Variants in LGR5 observed in about 807,000 individuals in gnomAD.
LGR5 encodes leucine-rich repeat-containing G protein-coupled receptor 5.
Under a neutral mutation model 76.7 loss-of-function variants are expected in LGR5, and 54 were observed. That is an observed-to-expected ratio of 0.70 (90% CI 0.57 to 0.88). The LOEUF (loss-of-function observed/expected upper bound fraction) is 0.88. Ranked by LOEUF, LGR5 falls within the 40% of genes least tolerant of loss-of-function variation. The pLI, the probability that LGR5 is intolerant of heterozygous loss-of-function variation, is 0.00. For missense variants in LGR5, 1,078 were observed against 1,073.3 expected, an observed-to-expected ratio of 1.00 and a Z score of -0.06; for synonymous variants, 406 against 421.9, an observed-to-expected ratio of 0.96 and a Z score of 0.46.
intron 8 of LGR5, among the ~76,000 whole-genome samples, chr12:71,563,492 A>G (rs1416003050): frequency 3.9e-5 from 6 of 152,132 alleles, no homozygotes; most frequent in Non-Finnish European, 5.9e-5. Context: ...GTCTATTTAC[A>G]CTAAATGCAA....
At chr12:71,439,726 C>T, upstream of LGR5, 1 of 240,332 alleles carries the variant, frequency 4.2e-6, no homozygotes, top group Non-Finnish European at 8.0e-6. Flanking sequence ...GGAAGCCAGG[C>T]TGCGCTGACG....
chr12:71,504,240 T>C (rs576567993), intron 1 of LGR5, among the ~76,000 whole-genome samples: 2 of 152,196 alleles, frequency 1.3e-5, no homozygotes, highest in Non-Finnish European at 2.9e-5. Flanking sequence ...TGAAGACATT[T>C]CTCTTTGTCA....
chr12:71,468,493 T>G (rs1592465780), intron 1 of LGR5, among the ~76,000 whole-genome samples: 1 of 152,302 alleles, frequency 6.6e-6, no homozygotes, highest in Non-Finnish European at 1.5e-5. Context: ...CAAGGCATTA[T>G]CTAGGCTCTG....
At chr12:71,444,240 C>G (rs1471354396) in intron 1 of LGR5, among the ~76,000 whole-genome samples, 3 of 152,054 alleles carry the variant, frequency 2.0e-5, no homozygotes, top group Non-Finnish European at 4.4e-5. Flanking sequence ...AGATCAATTA[C>G]AAACATTATA....
In LGR5 at chr12:71,584,526, A is replaced by T; in HGVS notation, c.2516A>T (p.Tyr839Phe). ...EDLVSLRKQT[Y>F]VWTRSKHPSL... is the part of the protein sequence containing the mutation. Reference sequence around the variant, plus strand: ...CTGGTGAGCCTGAGAAAGCAAACCTACGTCTGGACAAGATCAAAACACCCA... The same window carrying T: ...CTGGTGAGCCTGAGAAAGCAAACCTTCGTCTGGACAAGATCAAAACACCCA... Residue 839 changes from tyrosine to phenylalanine, a missense_variant, in exon 18 of 18, where the codon TAC becomes TTC. Coordinates refer to ENST00000266674, the MANE Select transcript of LGR5 (RefSeq NM_003667.4). 6.2e-7 allele frequency: 1 copy of T among 1,614,150 alleles called. No homozygotes were observed. The highest frequency in any genetic ancestry group is 8.5e-7 in the Non-Finnish European group (1 of 1,180,018).
chr12:71,534,725 T>C (rs957530519), intron 3 of LGR5, among the ~76,000 whole-genome samples: 3 of 152,208 alleles, frequency 2.0e-5, no homozygotes, highest in Admixed American at 2.0e-4. Context: ...CCAGCCCTTG[T>C]ACTTACTCTT....
At chr12:71,441,975 G>A (rs538170341) in intron 1 of LGR5, 1 of 152,214 alleles carries the variant, frequency 6.6e-6, no homozygotes, top group Non-Finnish European at 1.5e-5. Context: ...CCAATGCAGT[G>A]AATTTCTGAG....
chr12:71,559,342 G>T (rs147497312), intron 6 of LGR5, among the ~76,000 whole-genome samples: 1 of 152,012 alleles, frequency 6.6e-6, no homozygotes, highest in Non-Finnish European at 1.5e-5. Flanking sequence ...TTTTTTAGAC[G>T]CCCCAGTGCC....
At chr12:71,485,101 A>G (rs895076874) in intron 1 of LGR5, among the ~76,000 whole-genome samples, 2 of 152,194 alleles carry the variant, frequency 1.3e-5, no homozygotes. Context: ...TGTAATTTGT[A>G]AAAACATTAA....
At chr12:71,495,887 C>T (rs1430660516) in intron 1 of LGR5, among the ~76,000 whole-genome samples, 1 of 151,848 alleles carries the variant, frequency 6.6e-6, no homozygotes, top group East Asian at 1.9e-4. Context: ...TCACTTGTTA[C>T]AGCAAGTATG....
chr12:71,580,352 A>G lies in LGR5; in HGVS notation c.1481A>G (p.Gln494Arg). The G allele has an allele frequency of 6.2e-7, 1 of 1,614,064 alleles. No homozygotes were observed. Among genetic ancestry groups the G allele is most frequent in the Non-Finnish European group, 8.5e-7 (1 of 1,179,924 alleles). ...VCENAYKISN[Q>R]WNKGDNSSMD... ...GAGAATGCCTATAAGATTTCTAATCAATGGAATAAAGGTGACAACAGCAGT... is the reference window on the plus strand; with the variant it reads ...GAGAATGCCTATAAGATTTCTAATCGATGGAATAAAGGTGACAACAGCAGT... Residue 494 changes from glutamine (Q) to arginine (R), a missense_variant, in exon 16 of 18, where the codon CAA becomes CGA. Gln to Arg is a conservative substitution (Grantham distance 43). Transcript: ENST00000266674.
chr12:71,459,811 A>G (rs144372238), intron 1 of LGR5, among the ~76,000 whole-genome samples: 28 of 151,890 alleles, frequency 1.8e-4, no homozygotes, highest in African/African-American at 6.8e-4. Flanking sequence ...AATAATTATT[A>G]CTCCTATAAA....
rs1239812229 is a variant in LGR5 at position 71,584,121 on chromosome 12, G to A, written c.2111G>A (p.Ser704Asn). Residue 704 changes from serine to asparagine, a missense_variant, in exon 18 of 18, where the codon AGC becomes AAC. Ser to Asn is a conservative substitution (Grantham distance 46). Coordinates refer to ENST00000266674, the MANE Select transcript of LGR5 (RefSeq NM_003667.4). ...GCCGCAGTTCCCCTGCTGGGTGGCA[G>A]CAAGTATGGCGCCTCCCCTCTCTGC... ...TMAAVPLLGG[S>N]KYGASPLCLP... 6 of 1,614,092 alleles carry A rather than the reference G, an allele frequency of 3.7e-6. No individual in the cohort carries two copies. Among genetic ancestry groups the A allele is most frequent in the Middle Eastern group, 1.6e-4 (1 of 6,084 alleles).
At chr12:71,444,739 A>C (rs1871908687) in intron 1 of LGR5, among the ~76,000 whole-genome samples, 2 of 152,180 alleles carry the variant, frequency 1.3e-5, no homozygotes, top group African/African-American at 4.8e-5. Flanking sequence ...GAAGTTTAGA[A>C]ACACAAAACT....
Position 71,571,500 on chromosome 12 carries a change from C to G in LGR5, c.1071-14C>G. 1 of 1,591,750 alleles carries G rather than the reference C, an allele frequency of 6.3e-7. No homozygotes were observed. Among genetic ancestry groups the G allele is most frequent in the Non-Finnish European group, 8.6e-7 (1 of 1,166,714 alleles). On this transcript the variant is annotated splice_polypyrimidine_tract_variant and intron_variant, in intron 11 of 17. Coordinates refer to ENST00000266674, the MANE Select transcript of LGR5 (RefSeq NM_003667.4). ...TGTAACAGATTTTCCCTTTTTGCAC[C>G]TTCTGTTTTTCAGAGATCTGTCTTA...
At chr12:71,525,620 G>C (rs1875960780) in intron 3 of LGR5, among the ~76,000 whole-genome samples, 1 of 151,658 alleles carries the variant, frequency 6.6e-6, no homozygotes, top group Non-Finnish European at 1.5e-5. Flanking sequence ...CCCATGTTGA[G>C]CTATGTACCA....
rs76512772 is a variant in LGR5 at position 71,545,870 on chromosome 12, T to A, written c.429-7203T>A. Among the ~76,000 whole-genome samples, 823 of 152,302 alleles carry A rather than the reference T, an allele frequency of 5.4e-3. 13 individuals carry two copies. The highest frequency in any genetic ancestry group is 7.1e-3 in the Non-Finnish European group (486 of 68,016). ...TCTTTACAATAACACCATTTATAAG[T>A]GGAAAGTTTTTTCAGGGAGTATGGA... On this transcript the variant is annotated intron_variant, in intron 4 of 17. Coordinates refer to ENST00000266674, the MANE Select transcript of LGR5 (RefSeq NM_003667.4).
chr12:71,583,619 T>A, intron 17 of LGR5, 28 bp from the exon 18 acceptor site: 3 of 1,575,194 alleles, frequency 1.9e-6, no homozygotes, highest in Non-Finnish European at 2.6e-6. Context: ...AATTTGATAC[T>A]CAATCTTTGC....
Position 71,503,794 on chromosome 12 carries a change from A to T in LGR5, c.213-820A>T, listed in dbSNP as rs538477115. Among the ~76,000 whole-genome samples, 42 of 152,328 alleles carry T rather than the reference A, an allele frequency of 2.8e-4. 1 individual carries two copies. The East Asian group carries it at 7.7e-3, about 28-fold the overall frequency. On this transcript the variant is annotated intron_variant, in intron 1 of 17. Coordinates refer to ENST00000266674, the MANE Select transcript of LGR5 (RefSeq NM_003667.4). ...AAAATCTGAATTGGTCTTGATTAGA[A>T]TCTGTCCAGCTGTCAGTCTTTTGGC... is the stretch of plus-strand genomic sequence containing the variant.
Sources: allele counts gnomAD v4.1 joint callset (sites outside exome capture counted in the v4.1 genomes callset), GRCh38; gene constraint gnomAD v4.1.1; transcripts MANE v1.5; gene names NCBI Gene and HGNC (gene_info 2026-07-23, HGNC 2026-07-21).